PLA1A: variants seen among roughly 807,000 people sequenced by gnomAD.
PLA1A encodes phospholipase A1 member A.
Under a neutral mutation model 49.4 loss-of-function variants are expected in PLA1A, and 47 were observed. The ratio of observed to expected loss-of-function variants is 0.95; its 90% CI spans 0.75 to 1.21. PLA1A has a LOEUF of 1.21. Ranked by LOEUF, PLA1A falls within the 50% of genes most tolerant of loss-of-function variation. The pLI is 0.00. For synonymous variants in PLA1A, 224 were observed against 207.9 expected, an observed-to-expected ratio of 1.08 and a Z score of -0.67; for missense variants, 561 against 563.9, an observed-to-expected ratio of 0.99 and a Z score of 0.05.
chr3:119,625,948 C>A (rs547914522), intron 9 of PLA1A, among the ~76,000 whole-genome samples: 7 of 152,084 alleles, frequency 4.6e-5, no homozygotes, highest in Non-Finnish European at 1.0e-4. Flanking sequence ...CACAAGCCAG[C>A]GGGAGACAGA....
chr3:119,600,526 G>A (rs2082604713), intron 1 of PLA1A: 4 of 641,290 alleles, frequency 6.2e-6, no homozygotes, highest in African/African-American at 1.8e-5. Context: ...GCTCCCAAAG[G>A]GCAGTTATGG....
chr3:119,622,150 GA>G (rs1410475956), intron 8 of PLA1A, among the ~76,000 whole-genome samples: 166 of 21,586 alleles, frequency 7.7e-3, no homozygotes, highest in African/African-American at 0.014. Context: ...GGAGGAGGAG[GA>G]AGAAGAAGAA....
chr3:119,616,140 G>A (rs1347414212), intron 6 of PLA1A, 39 bp downstream of exon 6: 5 of 1,255,594 alleles, frequency 4.0e-6, no homozygotes, highest in Non-Finnish European at 5.8e-6. Context: ...GGCAACCCCG[G>A]AGATTGAAAT....
chr3:119,627,368 C>T (rs2052556242), intron 9 of PLA1A, among the ~76,000 whole-genome samples: 3 of 152,144 alleles, frequency 2.0e-5, no homozygotes, highest in Admixed American at 2.0e-4. Context: ...TTTCATATTC[C>T]TTGTATTTTA....
intron 5 of PLA1A, among the ~76,000 whole-genome samples, chr3:119,614,601 G>A (rs1394237143): frequency 6.5e-5 from 6 of 92,810 alleles, no homozygotes; most frequent in East Asian, 7.2e-4. Context: ...GTGAGACTTC[G>A]TCTCAAAAAA....
chr3:119,617,961 C>A, intron 6 of PLA1A, 58 bp from the exon 7 acceptor site: 3 of 1,347,054 alleles, frequency 2.2e-6, no homozygotes, highest in African/African-American at 1.5e-5. Context: ...TTTCACTAAA[C>A]AGCATAGATT....
Position 119,618,186 on chromosome 3 carries a change from G to C in PLA1A, c.922G>C (p.Gly308Arg). Residue 308 changes from glycine (G) to arginine (R), a missense_variant and splice_region_variant, in exon 7 of 11, where the codon GGA (glycine) becomes CGA (arginine). Coordinates refer to ENST00000273371, the MANE Select transcript of PLA1A (RefSeq NM_015900.4). ...TTTTCTGCTTTCCTGCCCAAGGATA[G>C]GTAAAGTGCTACCCCTTTGACTTCC... ...NPFLLSCPRIGLVEQGGVKIE... is the reference protein window; with the variant it reads ...NPFLLSCPRIRLVEQGGVKIE... 6.2e-7 allele frequency: 1 copy of C among 1,611,540 alleles called. No homozygotes were observed. Among genetic ancestry groups the C allele is most frequent in the Non-Finnish European group, 8.5e-7 (1 of 1,178,580 alleles).
chr3:119,609,071 G>A (rs1307657903), intron 3 of PLA1A, 124 bp downstream of exon 3: 1 of 747,314 alleles, frequency 1.3e-6, no homozygotes. Flanking sequence ...CGGTGGTCTT[G>A]GGTTCAAATC....
Position 119,602,529 on chromosome 3 carries a change from C to T in PLA1A, c.74-4245C>T, listed in dbSNP as rs1157925831. Among the ~76,000 whole-genome samples the T allele has an allele frequency of 1.4e-4, 22 of 152,080 alleles. No individual in the cohort carries two copies. In the East Asian group the frequency reaches 3.7e-3, roughly 25 times the overall value. ...CTGATATTGTTTACTTTTAACTTCC[C>T]TTTGTTCTGTTACTCTGTCTTATCA... On this transcript the variant is annotated intron_variant, in intron 1 of 10. Coordinates refer to ENST00000273371, the MANE Select transcript of PLA1A (RefSeq NM_015900.4).
At position 119,627,607 on chromosome 3, in the gene PLA1A, G is replaced by T. The variant is rs377623718; in HGVS notation, c.1122-1094G>T. On this transcript the variant is annotated intron_variant, in intron 9 of 10. Coordinates refer to ENST00000273371, the MANE Select transcript of PLA1A (RefSeq NM_015900.4). ...CAGAAAGGAACAGGAAACCCAGTTG[G>T]CAAGGGTGGTTCCCCACACCACCCC... is the stretch of plus-strand genomic sequence containing the variant. Among the ~76,000 whole-genome samples the T allele has an allele frequency of 1.5e-4, 23 of 149,166 alleles. No homozygotes were observed. The East Asian group carries it at 2.0e-3, about 13-fold the overall frequency.
At chr3:119,607,731 C>G (rs2082708068) in intron 2 of PLA1A, among the ~76,000 whole-genome samples, 2 of 152,192 alleles carry the variant, frequency 1.3e-5, no homozygotes, top group South Asian at 4.1e-4. Flanking sequence ...GCCAAACCCT[C>G]TCCTCTAGCA....
intron 4 of PLA1A, 100 bp downstream of exon 4, chr3:119,609,676 T>C (rs944446426): frequency 3.1e-6 from 2 of 636,934 alleles, no homozygotes; most frequent in Non-Finnish European, 5.6e-6. Context: ...ACAGAGCCTT[T>C]GTTCTCACGA....
chr3:119,606,790 C>A lies in PLA1A; in HGVS notation c.90C>A (p.Thr30=). The A allele has an allele frequency of 1.2e-6, 2 of 1,614,008 alleles. No homozygotes were observed. Among genetic ancestry groups the A allele is most frequent in the Admixed American group, 3.3e-5 (2 of 60,014 alleles). The change falls in exon 2 of 11, where the codon ACC becomes ACA. Residue 30 remains threonine, a synonymous_variant. Coordinates refer to ENST00000273371, the MANE Select transcript of PLA1A (RefSeq NM_015900.4). ...TTCCTCCAGGGGATGCACCTCCTAC[C>A]CCACAGCCAAAGTGCGCTGACTTCC... ...SVGSSGDAPP[T]PQPKCADFQS... is the part of the protein sequence containing the mutation.
chr3:119,610,634 C>T (rs1049547777), intron 4 of PLA1A, among the ~76,000 whole-genome samples: 2 of 152,082 alleles, frequency 1.3e-5, no homozygotes, highest in South Asian at 4.1e-4. Context: ...TTTTCATGTC[C>T]TTCACCCTCA....
chr3:119,619,515 T>A (rs1448064292), intron 7 of PLA1A, 48 bp from the exon 8 acceptor site: 1 of 1,338,826 alleles, frequency 7.5e-7, no homozygotes, highest in East Asian at 2.3e-5. Flanking sequence ...TGTGGGACCC[T>A]AAGATAGCCT....
At chr3:119,629,107 C>A (rs561345021) in intron 10 of PLA1A, among the ~76,000 whole-genome samples, 34 of 152,322 alleles carry the variant, frequency 2.2e-4, no homozygotes, top group African/African-American at 8.2e-4. Context: ...ACAAAGTTTT[C>A]TCATTGCATA....
chr3:119,627,613 G>T (rs1252919843), intron 9 of PLA1A, among the ~76,000 whole-genome samples: 2 of 145,358 alleles, frequency 1.4e-5, no homozygotes, highest in Non-Finnish European at 3.0e-5. Context: ...GTTGGCAAGG[G>T]TGGTTCCCCA....
At chr3:119,620,193 A>T (rs2082910761) in intron 8 of PLA1A, 2 of 456,254 alleles carry the variant, frequency 4.4e-6, no homozygotes, top group South Asian at 1.6e-5. Flanking sequence ...CATGAAATAC[A>T]TTACAAGCTA....
At chr3:119,622,231 T>C (rs2082951001) in intron 8 of PLA1A, among the ~76,000 whole-genome samples, 1 of 150,894 alleles carries the variant, frequency 6.6e-6, no homozygotes, top group Admixed American at 6.6e-5. Context: ...CTTAGAAAAC[T>C]TTCTTAATCA....
Sources: gnomAD v4.1 joint callset for allele counts (sites outside exome capture counted in the v4.1 genomes callset) on GRCh38, gnomAD v4.1.1 for gene constraint, MANE v1.5 for transcripts, NCBI Gene and HGNC (gene_info 2026-07-23, HGNC 2026-07-21) for gene names.